The following PGGT1B variants were observed in gnomAD, a reference collection of about 807,000 sequenced individuals.
PGGT1B encodes the protein protein geranylgeranyltransferase type I subunit beta.
PGGT1B carries 30 observed loss-of-function variants against 46.1 expected under a neutral mutation model. The observed-to-expected ratio is 0.65, with a 90% confidence interval of 0.49 to 0.88. PGGT1B has a LOEUF of 0.88. Among genes scored for constraint, PGGT1B ranks in the 40% least tolerant of loss-of-function variants. PGGT1B has a pLI of 0.00. For synonymous variants in PGGT1B, 170 were observed against 160.0 expected (o/e 1.06, Z -0.47); for missense variants, 376 against 455.9 (o/e 0.82, Z 1.60).
At chr5:115,249,125 C>T (rs1413708403) in intron 2 of PGGT1B, among the ~76,000 whole-genome samples, 2 of 151,160 alleles carry the variant, frequency 1.3e-5, no homozygotes, top group South Asian at 2.1e-4. Context: ...CTTGCCATCC[C>T]CCCACCTCTG....
rs1301237245 is a variant in PGGT1B at position 115,206,895 on chromosome 5, A to G, written c.*5507T>C. On this transcript the variant is annotated 3_prime_UTR_variant, in exon 9 of 9. Transcript: ENST00000419445. ...TTTCAGTTTCCATGGTTATTCTAGTATGTTCTCTCAAATAACAATATAATT... is the reference window on the plus strand; with the variant it reads ...TTTCAGTTTCCATGGTTATTCTAGTGTGTTCTCTCAAATAACAATATAATT... 6.6e-6 allele frequency: 1 copy of G among 151,688 alleles called. No homozygotes were observed. Among genetic ancestry groups the G allele is most frequent in the African/African-American group, 2.4e-5 (1 of 41,330 alleles). The allele number at this position is 151,688 out of a possible 1,614,324, so 9.4% of individuals were successfully genotyped here.
At chr5:115,234,848 T>C (rs759446529) in intron 5 of PGGT1B, among the ~76,000 whole-genome samples, 2 of 152,022 alleles carry the variant, frequency 1.3e-5, no homozygotes, top group Admixed American at 6.6e-5. Context: ...TATAGACATA[T>C]AAATAGATAC....
At chr5:115,219,669 T>A (rs1756528215) in intron 7 of PGGT1B, among the ~76,000 whole-genome samples, 1 of 151,728 alleles carries the variant, frequency 6.6e-6, no homozygotes, top group South Asian at 2.1e-4. Context: ...ACTCAAGGAA[T>A]GAGAAAATAT....
At chr5:115,261,303 C>G (rs1026667001) in intron 1 of PGGT1B, among the ~76,000 whole-genome samples, 4 of 152,108 alleles carry the variant, frequency 2.6e-5, no homozygotes, top group African/African-American at 9.7e-5. Flanking sequence ...ACGTTTCACT[C>G]TTTCTTTTGT....
intron 6 of PGGT1B, among the ~76,000 whole-genome samples, chr5:115,229,156 A>T (rs1490572570): frequency 6.6e-6 from 1 of 152,142 alleles, no homozygotes; most frequent in African/African-American, 2.4e-5. Flanking sequence ...AGCCTATCTA[A>T]CCTCATAGCA....
At chr5:115,239,040 A>G (rs558199707) in intron 3 of PGGT1B, among the ~76,000 whole-genome samples, 1 of 151,732 alleles carries the variant, frequency 6.6e-6, no homozygotes, top group Non-Finnish European at 1.5e-5. Context: ...CCACCTTTAG[A>G]TACACATTTT....
intron 5 of PGGT1B, among the ~76,000 whole-genome samples, chr5:115,234,234 G>GTA (rs1561477646): frequency 6.7e-6 from 1 of 150,136 alleles, no homozygotes; most frequent in Non-Finnish European, 1.5e-5. Context: ...AAAGAATATG[G>GTA]TATGCTACCT....
intron 6 of PGGT1B, among the ~76,000 whole-genome samples, chr5:115,224,632 G>A (rs1458018784): frequency 6.6e-6 from 1 of 152,114 alleles, no homozygotes; most frequent in Non-Finnish European, 1.5e-5. Flanking sequence ...CACTTTGGGA[G>A]GCCAAAGTGA....
intron 6 of PGGT1B, among the ~76,000 whole-genome samples, chr5:115,224,128 A>G (rs187852): frequency 0.13 from 19,704 of 152,116 alleles, 1,583 homozygotes; most frequent in African/African-American, 0.23. Context: ...AAAAATTATT[A>G]CAACCTTTTA....
chr5:115,255,452 C>T (rs549699205), intron 1 of PGGT1B, among the ~76,000 whole-genome samples: 76 of 152,188 alleles, frequency 5.0e-4, no homozygotes, highest in Non-Finnish European at 8.5e-4. Flanking sequence ...CTACATCTAA[C>T]CCTCCCGGAG....
rs1223455752 is a variant in PGGT1B at position 115,206,871 on chromosome 5, T to C, written c.*5531A>G. On this transcript the variant is annotated 3_prime_UTR_variant, in exon 9 of 9. Coordinates refer to ENST00000419445, the MANE Select transcript of PGGT1B (RefSeq NM_005023.4). ...ATATGGCTGGTCCCCTCTAATTCTT[T>C]TCAGTTTCCATGGTTATTCTAGTAT... 2 of 151,930 alleles carry C rather than the reference T, an allele frequency of 1.3e-5. No homozygotes were observed. The highest frequency in any genetic ancestry group is 1.5e-5 in the Non-Finnish European group (1 of 67,880). 9.4% of individuals were successfully genotyped at this position (151,930 alleles called of 1,614,324 possible).
At chr5:115,247,741 A>G (rs1747916026) in intron 2 of PGGT1B, among the ~76,000 whole-genome samples, 1 of 152,134 alleles carries the variant, frequency 6.6e-6, no homozygotes, top group Non-Finnish European at 1.5e-5. Context: ...TTGGACCTAC[A>G]CCAATTAAAG....
In PGGT1B at chr5:115,217,013, C is replaced by G. The variant is rs373769019; in HGVS notation, c.844-40G>C. ...CAAATAAAAATTTACTGACATAAAA[C>G]TCATATCAACCTTTGGCTCAAATTT... is the stretch of plus-strand genomic sequence containing the variant. On this transcript the variant is annotated intron_variant, in intron 7 of 8. Coordinates refer to ENST00000419445, the MANE Select transcript of PGGT1B (RefSeq NM_005023.4). The G allele has an allele frequency of 2.3e-5, 20 of 879,932 alleles. No homozygotes were observed. In the African/African-American group the frequency reaches 3.2e-4, roughly 14 times the overall value. The allele number at this position is 879,932 out of a possible 1,614,324, so 54.5% of individuals were successfully genotyped here. A position where few individuals can be genotyped will look rare whatever the true frequency, so the allele number is the denominator to read the frequency against.
chr5:115,260,143 C>G (rs1246223209), intron 1 of PGGT1B, among the ~76,000 whole-genome samples: 1 of 152,142 alleles, frequency 6.6e-6, no homozygotes, highest in Admixed American at 6.6e-5. Flanking sequence ...ACAATACACT[C>G]TTTATTTTCA....
At chr5:115,230,191 G>A (rs1756933220) in intron 6 of PGGT1B, among the ~76,000 whole-genome samples, 1 of 151,888 alleles carries the variant, frequency 6.6e-6, no homozygotes. Context: ...AGGAGCCAAG[G>A]TCACTCAGTT....
chr5:115,256,392 A>T (rs1406090239), intron 1 of PGGT1B, among the ~76,000 whole-genome samples: 3 of 152,206 alleles, frequency 2.0e-5, no homozygotes, highest in Admixed American at 2.0e-4. Flanking sequence ...TGCACTCTAC[A>T]TGTAAGTGCC....
intron 7 of PGGT1B, among the ~76,000 whole-genome samples, chr5:115,218,516 C>T (rs1197027355): frequency 7.2e-6 from 1 of 138,840 alleles, no homozygotes; most frequent in Non-Finnish European, 1.6e-5. Context: ...AAAACCCAAA[C>T]TCTAAAATCT....
At chr5:115,249,795 G>A (rs1417023219) in intron 2 of PGGT1B, among the ~76,000 whole-genome samples, 2 of 152,168 alleles carry the variant, frequency 1.3e-5, no homozygotes, top group African/African-American at 4.8e-5. Flanking sequence ...ACAGTTTCAT[G>A]TCAGTATATA....
In PGGT1B at chr5:115,248,396, C is replaced by A. The variant is rs182228083; in HGVS notation, c.259+4741G>T. On this transcript the variant is annotated intron_variant, in intron 2 of 8. Coordinates refer to ENST00000419445, the MANE Select transcript of PGGT1B (RefSeq NM_005023.4). The stretch of plus-strand genomic sequence containing the variant: ...TGGACAAATTATTAATCTCTTTGAA[C>A]CTTAATGTCCTCATTTGTAAAATGA... Among the ~76,000 whole-genome samples the A allele has an allele frequency of 1.4e-3, 216 of 152,282 alleles. 1 individual carries two copies. The highest frequency in any genetic ancestry group is 4.4e-3 in the South Asian group (21 of 4,826).
Sources: allele counts gnomAD v4.1 joint callset (sites outside exome capture counted in the v4.1 genomes callset), GRCh38; gene constraint gnomAD v4.1.1; transcripts MANE v1.5; gene names NCBI Gene and HGNC (gene_info 2026-07-23, HGNC 2026-07-21).